The following MYH14 variants were observed in gnomAD, a reference collection of about 807,000 sequenced individuals.
MYH14 encodes myosin heavy chain 14.
In MYH14, 123 loss-of-function variants were observed where a neutral mutation model predicts 255.5. The observed-to-expected ratio is 0.48, with a 90% CI of 0.42 to 0.56. MYH14 has a LOEUF of 0.56. Ranked by LOEUF, MYH14 falls within the 20% of genes least tolerant of loss-of-function variation. The probability of loss-of-function intolerance (pLI) is 0.00; values close to 1 mark genes in which losing one functional copy is unlikely to be tolerated. For synonymous variants in MYH14, 1,095 were observed against 1,161.2 expected (o/e 0.94, Z 1.16); for missense variants, 2,423 against 2,802.3 (o/e 0.86, Z 3.06).
At position 50,295,581 on chromosome 19, in the gene MYH14, A is replaced by G. The variant is rs1601050395; in HGVS notation, c.5469+1894A>G. On this transcript the variant is annotated intron_variant, in intron 39 of 42. Coordinates refer to ENST00000642316, the MANE Select transcript of MYH14 (RefSeq NM_001145809.2). ...ACTTTTGGTGGATTGCTTTTAGCGT[A>G]GGAGCTCCAGACCAGCTTGGATGAC... Among the ~76,000 whole-genome samples, 4 of 152,174 alleles carry G rather than the reference A, an allele frequency of 2.6e-5. No homozygotes were observed. In the South Asian group the frequency reaches 8.3e-4, roughly 32 times the overall value.
intron 2 of MYH14, among the ~76,000 whole-genome samples, chr19:50,211,723 T>C (rs992310407): frequency 6.6e-6 from 1 of 151,872 alleles, no homozygotes; most frequent in Non-Finnish European, 1.5e-5. Context: ...GGTTCATGCC[T>C]GTAATCTCAG....
chr19:50,299,310 CTGTG>C (rs2036391818), intron 39 of MYH14, among the ~76,000 whole-genome samples: 1 of 152,158 alleles, frequency 6.6e-6, no homozygotes, highest in African/African-American at 2.4e-5. Context: ...TGGCTCACAT[CTGTG>C]ATTCCAGCAC....
Position 50,289,357 on chromosome 19 carries a change from A to C in MYH14, c.4753-79A>C, listed in dbSNP as rs532505972. ...TTGCCATCTCCCCATCCTCCATCAA[A>C]TCTTCCCCTACTCTAGCTAGGCTCC... is the stretch of plus-strand genomic sequence containing the variant. On this transcript the variant is annotated intron_variant, in intron 34 of 42. Coordinates refer to ENST00000642316, the MANE Select transcript of MYH14 (RefSeq NM_001145809.2). 7.8e-5 allele frequency: 92 copies of C among 1,186,994 alleles called. No individual in the cohort carries two copies. In the South Asian group the frequency reaches 8.7e-4, roughly 11 times the overall value. 73.5% of individuals were successfully genotyped at this position (1,186,994 alleles called of 1,614,324 possible). A position where few individuals can be genotyped will look rare whatever the true frequency, so the allele number is the denominator to read the frequency against.
Position 50,254,843 on chromosome 19 carries a change from AG to A in MYH14, c.1946-376del, listed in dbSNP as rs1333265734. On this transcript the variant is annotated intron_variant, in intron 16 of 42. Transcript: ENST00000642316. ...CGGAAATGAGATTAGCTCTCCTCTG[AG>A]AGGCAAAAACAACAAGTGGCCTGGG... Among the ~76,000 whole-genome samples, 6 of 152,358 alleles carry A rather than the reference AG, an allele frequency of 3.9e-5. No individual in the cohort carries two copies. The East Asian group carries it at 1.2e-3, about 29-fold the overall frequency.
chr19:50,274,595 C>G (rs764376219), intron 27 of MYH14, among the ~76,000 whole-genome samples: 2 of 152,060 alleles, frequency 1.3e-5, no homozygotes, highest in Non-Finnish European at 2.9e-5. Flanking sequence ...GTGCTGGCCT[C>G]CAGAACTTTT....
chr19:50,250,734 G>A lies in MYH14; in HGVS notation c.1830+46G>A. On this transcript the variant is annotated intron_variant, in intron 15 of 42. Coordinates refer to ENST00000642316, the MANE Select transcript of MYH14 (RefSeq NM_001145809.2). The surrounding 1 kb of genome is among the most constrained non-coding windows in gnomAD (Gnocchi z 5.4). ...TGGGGCATGTGGGAGTGGGGATCAA[G>A]GGATCTCCACTGGCTACAGATGGGG... is the stretch of plus-strand genomic sequence containing the variant. 6.4e-7 allele frequency: 1 copy of A among 1,564,472 alleles called. No individual in the cohort carries two copies. Among genetic ancestry groups the A allele is most frequent in the Non-Finnish European group, 8.7e-7 (1 of 1,144,562 alleles).
At chr19:50,260,931 G>A (rs986967085) in intron 20 of MYH14, among the ~76,000 whole-genome samples, 1 of 151,146 alleles carries the variant, frequency 6.6e-6, no homozygotes, top group Non-Finnish European at 1.5e-5. Context: ...CCAGGTGGTC[G>A]GGGAGTGGGG....
At position 50,250,580 on chromosome 19, in the gene MYH14, G is replaced by A. The variant is rs756790298; in HGVS notation, c.1722G>A (p.Lys574=). 6.8e-6 allele frequency: 11 copies of A among 1,613,980 alleles called. No individual in the cohort carries two copies. The highest frequency in any genetic ancestry group is 1.1e-5 in the South Asian group (1 of 91,074). The change falls in exon 15 of 43, where the codon AAG becomes AAA. Residue 574 remains lysine (K), a synonymous_variant. Coordinates refer to ENST00000642316, the MANE Select transcript of MYH14 (RefSeq NM_001145809.2). This position sits in a 1 kb window ranked among gnomAD's most constrained non-coding sequence, Gnocchi z 5.4. ...GCTGGTTCCCGAAGGCCACAGACAA[G>A]TCGTTTGTGGAGAAGGTAGCCCAGG... is the stretch of plus-strand genomic sequence containing the variant. ...EECWFPKATD[K]SFVEKVAQEQ...
chr19:50,270,616 A>G (rs1190696701), intron 24 of MYH14, among the ~76,000 whole-genome samples: 2 of 151,714 alleles, frequency 1.3e-5, no homozygotes, highest in Non-Finnish European at 2.9e-5. Context: ...AGTGTGCCCA[A>G]TGACTGTCAT....
At position 50,226,912 on chromosome 19, in the gene MYH14, A is replaced by G. The variant is rs200424400; in HGVS notation, c.820A>G (p.Ile274Val). The G allele has an allele frequency of 3.6e-4, 586 of 1,613,760 alleles. No homozygotes were observed. The Middle Eastern group carries it at 4.1e-3, about 11-fold the overall frequency. ...CTTTGGTCTCTCCCAGGGCAAATTCATCCGCATCAACTTTGATGTTGCCGG... is the reference window on the plus strand; with the variant it reads ...CTTTGGTCTCTCCCAGGGCAAATTCGTCCGCATCAACTTTGATGTTGCCGG... ...NDNSSRFGKF[I>V]RINFDVAGYI... is the part of the protein sequence containing the mutation. Residue 274 changes from isoleucine to valine, a missense_variant, in exon 8 of 43, where the codon ATC (isoleucine) becomes GTC (valine). Around this residue, in one of 3 missense-constraint regions of MYH14, gnomAD observed 672 missense variants for 881.8 expected, o/e 0.76. Transcript: ENST00000642316.
At chr19:50,295,432 A>G (rs1303300074) in intron 39 of MYH14, among the ~76,000 whole-genome samples, 1 of 152,152 alleles carries the variant, frequency 6.6e-6, no homozygotes, top group Non-Finnish European at 1.5e-5. Context: ...GCTTGAGCCC[A>G]GGTGTTTGAG....
At chr19:50,215,306 T>G (rs1006830923) in intron 2 of MYH14, among the ~76,000 whole-genome samples, 1 of 152,124 alleles carries the variant, frequency 6.6e-6, no homozygotes, top group African/African-American at 2.4e-5. Flanking sequence ...TCCCAGGGAA[T>G]GTGGTCCGGC....
At chr19:50,231,900 T>C in intron 9 of MYH14, 30 bp from the exon 10 acceptor site, 1 of 1,613,088 alleles carries the variant, frequency 6.2e-7, no homozygotes, top group Non-Finnish European at 8.5e-7. Context: ...AGCCCACCTT[T>C]GACCTTGACC....
In MYH14 at chr19:50,250,194, G is replaced by T. The variant is rs1000609942; in HGVS notation, c.1657-321G>T. On this transcript the variant is annotated intron_variant, in intron 14 of 42. Transcript: ENST00000642316. This position sits in a 1 kb window ranked among gnomAD's most constrained non-coding sequence, Gnocchi z 5.4. ...CTGCTTACTGCAAGCTTCGCCCCCT[G>T]GGTTCACGCCATTCTCCTGCCTCAG... is the stretch of plus-strand genomic sequence containing the variant. Among the ~76,000 whole-genome samples the T allele has an allele frequency of 5.3e-5, 8 of 152,200 alleles. No homozygotes were observed. The highest frequency in any genetic ancestry group is 3.9e-4 in the Admixed American group (6 of 15,280).
chr19:50,206,061 A>G (rs936188519), intron 1 of MYH14, among the ~76,000 whole-genome samples: 29 of 152,264 alleles, frequency 1.9e-4, no homozygotes, highest in Admixed American at 2.6e-4. Context: ...GAGGAAGGGT[A>G]GGGCAGTCAG....
intron 34 of MYH14, among the ~76,000 whole-genome samples, 153 bp from the exon 35 acceptor site, chr19:50,289,283 C>T (rs1014728995): frequency 1.6e-4 from 24 of 152,186 alleles, no homozygotes; most frequent in African/African-American, 5.6e-4. Flanking sequence ...AGGAGCCGTT[C>T]AGCAGATTTT....
In MYH14 at chr19:50,226,985, T is replaced by C. The variant is rs1401860218; in HGVS notation, c.874+19T>C. The C allele has an allele frequency of 6.2e-7, 1 of 1,612,842 alleles. No homozygotes were observed. The highest frequency in any genetic ancestry group is 1.1e-5 in the South Asian group (1 of 91,032). ...GAGACCTGTATCCTCTCACAGCCCA[T>C]GGGGGTGGCAGCCAAGGGGGGCAGC... On this transcript the variant is annotated intron_variant, in intron 8 of 42. Coordinates refer to ENST00000642316, the MANE Select transcript of MYH14 (RefSeq NM_001145809.2).
chr19:50,260,606 C>G (rs1568510101), intron 19 of MYH14, 40 bp from the exon 20 acceptor site: 2 of 1,489,892 alleles, frequency 1.3e-6, no homozygotes, highest in Admixed American at 1.7e-5. Context: ...TGAGCGTTTG[C>G]TGTAACTCTC....
At chr19:50,261,996 G>A (rs1337845948) in intron 21 of MYH14, among the ~76,000 whole-genome samples, 1 of 152,164 alleles carries the variant, frequency 6.6e-6, no homozygotes, top group Non-Finnish European at 1.5e-5. Flanking sequence ...GTCCCTCGAG[G>A]GGCTCCAGTC....
Sources: allele counts gnomAD v4.1 joint callset (sites outside exome capture counted in the v4.1 genomes callset), GRCh38; gene constraint gnomAD v4.1.1; regional missense constraint gnomAD v4.1.1; non-coding constraint Gnocchi (gnomAD v3.1); transcripts MANE v1.5; gene names NCBI Gene and HGNC (gene_info 2026-07-23, HGNC 2026-07-21).